Variants in MARK1 observed in about 807,000 individuals in gnomAD.
The protein encoded by MARK1 is serine/threonine-protein kinase MARK1.
In MARK1, 40 loss-of-function variants were observed where a neutral mutation model predicts 96.3. The observed-to-expected ratio is 0.42, with a 90% CI of 0.32 to 0.54. The LOEUF (loss-of-function observed/expected upper bound fraction) is 0.54, where lower values mean the gene tolerates loss of function less well. Among genes scored for constraint, MARK1 ranks in the 20% least tolerant of loss-of-function variants. The pLI, the probability that MARK1 is intolerant of heterozygous loss-of-function variation, is 0.16. For missense variants in MARK1, 719 were observed against 984.6 expected, an observed-to-expected ratio of 0.73 and a Z score of 3.61; for synonymous variants, 317 against 341.2, an observed-to-expected ratio of 0.93 and a Z score of 0.78.
intron 17 of MARK1, among the ~76,000 whole-genome samples, chr1:220,658,350 A>G (rs554448412): frequency 1.3e-5 from 2 of 152,160 alleles, no homozygotes; most frequent in Non-Finnish European, 2.9e-5. Context: ...TGGGTTTCAT[A>G]CTTGAGCACA....
In MARK1 at chr1:220,528,855, C is replaced by A; in HGVS notation, c.33C>A (p.Asn11Lys). 1.3e-6 allele frequency: 2 copies of A among 1,571,652 alleles called. No individual in the cohort carries two copies. Among genetic ancestry groups the A allele is most frequent in the Non-Finnish European group, 8.6e-7 (1 of 1,157,998 alleles). Residue 11 changes from asparagine (N) to lysine (K), a missense_variant, in exon 1 of 18, where the codon AAC (asparagine) becomes AAA (lysine). By Grantham distance (94) the Asn-to-Lys change is moderately conservative (BLOSUM62 0). Around this residue, in one of 4 missense-constraint regions of MARK1, gnomAD observed 105 missense variants for 133.4 expected, o/e 0.79. Transcript: ENST00000366917. MSARTPLPTV[N>K]ERDTENHTSV... ...CCCGGACGCCATTGCCGACGGTGAACGAGCGGGACACGGAAAATGTGAGTA... is the reference window on the plus strand; with the variant it reads ...CCCGGACGCCATTGCCGACGGTGAAAGAGCGGGACACGGAAAATGTGAGTA...
intron 9 of MARK1, chr1:220,627,721 T>C (rs1667431663): frequency 1.3e-5 from 2 of 159,328 alleles, no homozygotes; most frequent in African/African-American, 4.8e-5. Flanking sequence ...AGGGATACTT[T>C]CATGCAACCA....
chr1:220,597,279 T>G (rs1348353082), intron 3 of MARK1, among the ~76,000 whole-genome samples: 1 of 152,160 alleles, frequency 6.6e-6, no homozygotes, highest in Admixed American at 6.6e-5. Context: ...TTTAATTTCT[T>G]TAGGAACTGC....
chr1:220,648,274 C>T lies in MARK1; in HGVS notation c.1471-2346C>T, dbSNP rs375676809. ...CCACATTGGGGAAGTTACCAAACTA[C>T]AGTTTAAGAGTCTGCAAGGGTAGTT... On this transcript the variant is annotated intron_variant, in intron 13 of 17. Transcript: ENST00000366917. 1.3e-4 allele frequency among the ~76,000 whole-genome samples: 20 copies of T among 152,142 alleles called. No individual in the cohort carries two copies. The East Asian group carries it at 1.7e-3, about 13-fold the overall frequency.
At chr1:220,552,360 A>T (rs1661922848) in intron 1 of MARK1, among the ~76,000 whole-genome samples, 1 of 152,204 alleles carries the variant, frequency 6.6e-6, no homozygotes, top group Admixed American at 6.5e-5. Flanking sequence ...GAACCTGTGA[A>T]ATCTGGTTAC....
In MARK1 at chr1:220,528,568, C is replaced by T; in HGVS notation, c.-255C>T. The T allele has an allele frequency of 2.1e-6, 1 of 466,200 alleles. No homozygotes were observed. Among genetic ancestry groups the T allele is most frequent in the South Asian group, 3.5e-5 (1 of 28,440 alleles). The allele number at this position is 466,200 out of a possible 1,614,324, so 28.9% of individuals were successfully genotyped here. On this transcript the variant is annotated 5_prime_UTR_variant, in exon 1 of 18. Transcript: ENST00000366917. ...CGCCCCGCCAGCGCCGGGCAACCGC[C>T]TCGCCCGAAGCCCTCCCTCGTTACT...
intron 3 of MARK1, among the ~76,000 whole-genome samples, chr1:220,591,095 C>T (rs1664951576): frequency 2.6e-5 from 4 of 152,022 alleles, no homozygotes; most frequent in Admixed American, 1.3e-4. Flanking sequence ...TAATCCTGTC[C>T]CTCAGCTCAT....
intron 13 of MARK1, among the ~76,000 whole-genome samples, chr1:220,639,864 C>T (rs1394601131): frequency 2.0e-5 from 3 of 152,142 alleles, no homozygotes; most frequent in Non-Finnish European, 2.9e-5. Context: ...AACTCATCAA[C>T]AGGATATTAT....
intron 3 of MARK1, among the ~76,000 whole-genome samples, chr1:220,590,992 C>T (rs561412654): frequency 3.3e-4 from 50 of 152,236 alleles, no homozygotes; most frequent in African/African-American, 8.2e-4. Context: ...CCTGCCTACA[C>T]GTCTTTTTCT....
intron 1 of MARK1, among the ~76,000 whole-genome samples, chr1:220,574,492 G>A (rs530909361): frequency 3.9e-5 from 6 of 152,180 alleles, no homozygotes; most frequent in South Asian, 2.1e-4. Context: ...CTTTTTAGCC[G>A]AGAAAACTGT....
intron 1 of MARK1, 51 bp from the exon 2 acceptor site, chr1:220,579,303 C>A (rs1407042034): frequency 7.1e-6 from 9 of 1,262,334 alleles, no homozygotes; most frequent in African/African-American, 1.5e-5. Context: ...TTTACTTGTC[C>A]TTTTATAATA....
intron 13 of MARK1, among the ~76,000 whole-genome samples, chr1:220,644,449 A>C (rs1358548692): frequency 4.1e-4 from 51 of 124,444 alleles, no homozygotes; most frequent in Admixed American, 1.2e-3. Flanking sequence ...AGAGACTTAG[A>C]CCCCCCCCCC....
chr1:220,650,132 G>A (rs1668793617), intron 13 of MARK1, among the ~76,000 whole-genome samples: 1 of 152,130 alleles, frequency 6.6e-6, no homozygotes, highest in Non-Finnish European at 1.5e-5. Context: ...TTGATCCTGG[G>A]GCATTTAGTC....
At chr1:220,555,759 T>C (rs1323473481) in intron 1 of MARK1, among the ~76,000 whole-genome samples, 1 of 152,076 alleles carries the variant, frequency 6.6e-6, no homozygotes, top group Non-Finnish European at 1.5e-5. Flanking sequence ...AAGTCTAAAA[T>C]TCAAGGAAGG....
intron 1 of MARK1, among the ~76,000 whole-genome samples, chr1:220,544,866 T>C (rs181949563): frequency 2.6e-5 from 4 of 152,360 alleles, no homozygotes. Context: ...GGGTTTGCTT[T>C]TATTTCCTTT....
At chr1:220,555,654 C>G (rs1289141417) in intron 1 of MARK1, among the ~76,000 whole-genome samples, 3 of 152,094 alleles carry the variant, frequency 2.0e-5, no homozygotes, top group Non-Finnish European at 4.4e-5. Flanking sequence ...GTGAGAGGAG[C>G]AAATTTGATA....
At chr1:220,604,181 C>T (rs375769614) in intron 6 of MARK1, 44 bp downstream of exon 6, 59 of 1,316,906 alleles carry the variant, frequency 4.5e-5, no homozygotes, top group African/African-American at 1.0e-4. Flanking sequence ...ATAATTGTAG[C>T]GATGTACAAT....
intron 9 of MARK1, among the ~76,000 whole-genome samples, chr1:220,620,841 C>G (rs1439576164): frequency 2.0e-5 from 3 of 152,024 alleles, no homozygotes; most frequent in African/African-American, 2.4e-5. Flanking sequence ...TATTACTATA[C>G]AAAGGCTGAT....
chr1:220,662,116 A>T lies in MARK1; in HGVS notation c.2338A>T (p.Ile780Phe). The T allele has an allele frequency of 6.2e-7, 1 of 1,614,060 alleles. No homozygotes were observed. Among genetic ancestry groups the T allele is most frequent in the East Asian group, 2.2e-5 (1 of 44,890 alleles). The change falls in exon 18 of 18, where the codon ATT becomes TTT. Residue 780 changes from isoleucine (I) to phenylalanine (F), a missense_variant. Physicochemically the swap from Ile to Phe is conservative, Grantham distance 21. This residue lies in a region of MARK1 where 17 missense variants were observed against 49.7 expected (regional missense o/e 0.34). Transcript: ENST00000366917. ...CTTCAAGCGAATATCTGGGACATCT[A>T]TTGCCTTTAAGAACATTGCATCAAA... ...VRFKRISGTSIAFKNIASKIA... is the reference protein window; with the variant it reads ...VRFKRISGTSFAFKNIASKIA...
Sources: allele counts gnomAD v4.1 joint callset (sites outside exome capture counted in the v4.1 genomes callset), GRCh38; gene constraint gnomAD v4.1.1; regional missense constraint gnomAD v4.1.1; transcripts MANE v1.5; gene names NCBI Gene and HGNC (gene_info 2026-07-23, HGNC 2026-07-21).